The following SLC4A10 variants were observed in gnomAD, a reference collection of about 807,000 sequenced individuals.
SLC4A10 encodes the protein solute carrier family 4 member 10, also known as sodium-driven chloride bicarbonate exchanger.
Under a neutral mutation model 137.7 loss-of-function variants are expected in SLC4A10, and 42 were observed. The observed-to-expected ratio is 0.30, with a 90% confidence interval of 0.24 to 0.39. The LOEUF (loss-of-function observed/expected upper bound fraction) is 0.39, where lower values mean the gene tolerates loss of function less well. Among genes scored for constraint, SLC4A10 ranks in the 10% least tolerant of loss-of-function variants. The pLI, the probability that SLC4A10 is intolerant of heterozygous loss-of-function variation, is 1.00. For synonymous variants in SLC4A10, 474 were observed against 464.1 expected, an observed-to-expected ratio of 1.02 and a Z score of -0.27; for missense variants, 925 against 1,355.0, an observed-to-expected ratio of 0.68 and a Z score of 4.98.
intron 1 of SLC4A10, among the ~76,000 whole-genome samples, chr2:161,640,379 G>C (rs962270608): frequency 8.5e-5 from 13 of 152,062 alleles, no homozygotes; most frequent in Admixed American, 7.2e-4. Flanking sequence ...TGTCATTAAG[G>C]AGCTGCTGGG....
At chr2:161,930,874 G>A (rs1383186041) in intron 15 of SLC4A10, among the ~76,000 whole-genome samples, 1 of 151,966 alleles carries the variant, frequency 6.6e-6, no homozygotes, top group East Asian at 1.9e-4. Context: ...TCTCTGGTAA[G>A]ATCTAATCTT....
chr2:161,788,794 C>G (rs1574972249), intron 2 of SLC4A10, among the ~76,000 whole-genome samples: 2 of 152,240 alleles, frequency 1.3e-5, no homozygotes, highest in East Asian at 3.9e-4. Context: ...CAGGTCCCAC[C>G]TTTCATGCAT....
At chr2:161,766,460 G>A (rs2050807098) in intron 1 of SLC4A10, among the ~76,000 whole-genome samples, 1 of 152,046 alleles carries the variant, frequency 6.6e-6, no homozygotes. Context: ...TTTACACAAA[G>A]CTTTCCATTT....
chr2:161,962,807 A>G (rs914517316), intron 21 of SLC4A10, among the ~76,000 whole-genome samples: 2 of 152,176 alleles, frequency 1.3e-5, no homozygotes, highest in African/African-American at 4.8e-5. Context: ...TGAGATTCCT[A>G]TTATGTATAC....
At chr2:161,844,356 A>G (rs2059367418) in intron 4 of SLC4A10, among the ~76,000 whole-genome samples, 1 of 152,156 alleles carries the variant, frequency 6.6e-6, no homozygotes, top group African/African-American at 2.4e-5. Context: ...TGAAAATAAT[A>G]TGGATTAAGA....
intron 1 of SLC4A10, among the ~76,000 whole-genome samples, chr2:161,767,139 ATGTG>A (rs1245094195): frequency 3.4e-3 from 195 of 57,062 alleles, no homozygotes; most frequent in Non-Finnish European, 5.3e-3. Context: ...ATATATATAT[ATGTG>A]TGTGTGTGTG....
intron 1 of SLC4A10, among the ~76,000 whole-genome samples, chr2:161,735,486 T>A (rs1390390593): frequency 6.6e-6 from 1 of 152,198 alleles, no homozygotes; most frequent in African/African-American, 2.4e-5. Context: ...CTTAGGATTT[T>A]AAGTTACTGA....
intron 1 of SLC4A10, chr2:161,709,677 T>C (rs531360820): frequency 4.6e-5 from 7 of 151,734 alleles, no homozygotes; most frequent in Admixed American, 3.3e-4. Flanking sequence ...TCGATGTCCA[T>C]TTTGTACTGA....
chr2:161,793,930 T>G (rs946923984), intron 2 of SLC4A10, among the ~76,000 whole-genome samples: 1 of 152,146 alleles, frequency 6.6e-6, no homozygotes, highest in Non-Finnish European at 1.5e-5. Context: ...ATTGCCATGA[T>G]TGAATTAGAA....
chr2:161,644,945 C>T (rs3843852), intron 1 of SLC4A10, among the ~76,000 whole-genome samples: 133,227 of 152,198 alleles, frequency 0.88, 58,848 homozygotes, highest in East Asian at 1. Flanking sequence ...TACATCAAAA[C>T]AAGAAGGACT....
intron 1 of SLC4A10, among the ~76,000 whole-genome samples, chr2:161,770,374 G>A (rs1326111086): frequency 6.6e-6 from 1 of 151,740 alleles, no homozygotes; most frequent in Admixed American, 6.6e-5. Context: ...TTCTAAATTG[G>A]CAAAAATATA....
rs921712464 is a variant in SLC4A10 at position 161,657,323 on chromosome 2, G to T, written c.48+32757G>T. The stretch of plus-strand genomic sequence containing the variant: ...ACATGTTAAAGTCATCTAGGATAAA[G>T]CCTGGCACATAAAAATAGATCAAAA... On this transcript the variant is annotated intron_variant, in intron 1 of 26. Coordinates refer to ENST00000446997, the MANE Select transcript of SLC4A10 (RefSeq NM_001178015.2). Among the ~76,000 whole-genome samples, 40 of 151,818 alleles carry T rather than the reference G, an allele frequency of 2.6e-4. 1 individual carries two copies. Among genetic ancestry groups the T allele is most frequent in the Non-Finnish European group, 2.9e-5 (2 of 67,852 alleles).
intron 1 of SLC4A10, among the ~76,000 whole-genome samples, chr2:161,766,725 C>T (rs2050837437): frequency 6.6e-6 from 1 of 151,740 alleles, no homozygotes; most frequent in South Asian, 2.1e-4. Context: ...TATATATACC[C>T]CATTTTTAGT....
At chr2:161,918,798 CAGCTGCAGTAGGGG>C (rs940338577) in intron 15 of SLC4A10, among the ~76,000 whole-genome samples, 28 of 152,186 alleles carry the variant, frequency 1.8e-4, no homozygotes, top group African/African-American at 3.4e-4. Flanking sequence ...GCAAAGATGC[CAGCTGCAGTAGGGG>C]AGCTGCAGTA....
intron 1 of SLC4A10, among the ~76,000 whole-genome samples, chr2:161,722,387 T>C (rs1445182372): frequency 6.6e-6 from 1 of 152,214 alleles, no homozygotes; most frequent in Admixed American, 6.5e-5. Flanking sequence ...TCTGTTGATG[T>C]TGCTGTTTTG....
intron 15 of SLC4A10, among the ~76,000 whole-genome samples, chr2:161,935,896 C>T (rs1691495938): frequency 6.6e-6 from 1 of 152,140 alleles, no homozygotes; most frequent in South Asian, 2.1e-4. Flanking sequence ...AACTTTTCAC[C>T]ATTGAATAAG....
intron 19 of SLC4A10, among the ~76,000 whole-genome samples, 198 bp from the exon 20 acceptor site, chr2:161,956,791 A>AT (rs1467254374): frequency 1.3e-5 from 2 of 152,134 alleles, no homozygotes; most frequent in African/African-American, 4.8e-5. Context: ...CCATGATATT[A>AT]TTTTTTCTAA....
At chr2:161,791,891 T>C (rs1366276246) in intron 2 of SLC4A10, among the ~76,000 whole-genome samples, 1 of 152,208 alleles carries the variant, frequency 6.6e-6, no homozygotes, top group Non-Finnish European at 1.5e-5. Context: ...GATCATGGTT[T>C]ATTTGACAGT....
chr2:161,660,519 A>G (rs2038143217), intron 1 of SLC4A10, among the ~76,000 whole-genome samples: 1 of 152,210 alleles, frequency 6.6e-6, no homozygotes, highest in African/African-American at 2.4e-5. Flanking sequence ...GAAAAGTAAG[A>G]AACAAAAGTA....
Sources: gnomAD v4.1 joint callset for allele counts (sites outside exome capture counted in the v4.1 genomes callset) on GRCh38, gnomAD v4.1.1 for gene constraint, MANE v1.5 for transcripts, NCBI Gene and HGNC (gene_info 2026-07-23, HGNC 2026-07-21) for gene names.